The following PCOLCE variants were observed in gnomAD, a reference collection of about 807,000 sequenced individuals.
The protein encoded by PCOLCE is procollagen C-endopeptidase enhancer, also known as procollagen C-endopeptidase enhancer 1.
A neutral mutation model predicts 47.2 loss-of-function variants in PCOLCE; 33 were observed. The ratio of observed to expected loss-of-function variants is 0.70; its 90% CI spans 0.53 to 0.93. PCOLCE has a LOEUF of 0.93. Among genes scored for constraint, PCOLCE ranks in the 40% least tolerant of loss-of-function variants. PCOLCE has a pLI of 0.00. For missense variants in PCOLCE, 584 were observed against 585.3 expected, an observed-to-expected ratio of 1.00 and a Z score of 0.02; for synonymous variants, 254 against 252.5, an observed-to-expected ratio of 1.01 and a Z score of -0.06.
In PCOLCE at chr7:100,607,526, A is replaced by T. The variant is rs369102286; in HGVS notation, c.1012+3A>T. On this transcript the variant is annotated splice_donor_region_variant and intron_variant, in intron 7 of 8. Coordinates refer to ENST00000223061, the MANE Select transcript of PCOLCE (RefSeq NM_002593.4). ...CAACTTCTGTGCCAGCAGCCTTGGT[A>T]AGAATACCCCCAACCCCATTCCAGC... 22 of 1,613,952 alleles carry T rather than the reference A, an allele frequency of 1.4e-5. No homozygotes were observed. Among genetic ancestry groups the T allele is most frequent in the Non-Finnish European group, 1.9e-5 (22 of 1,179,898 alleles).
At position 100,605,895 on chromosome 7, in the gene PCOLCE, A is replaced by C; in HGVS notation, c.725+83A>C. The C allele has an allele frequency of 7.0e-7, 1 of 1,431,498 alleles. No homozygotes were observed. The highest frequency in any genetic ancestry group is 9.5e-7 in the Non-Finnish European group (1 of 1,053,370). 88.7% of individuals were successfully genotyped at this position (1,431,498 alleles called of 1,614,324 possible). ...CTGTTTGGAGGGGCGGGGTTCAGCT[A>C]AAGGGACGGGATCTGAACCCCAGGG... On this transcript the variant is annotated intron_variant, in intron 5 of 8. Coordinates refer to ENST00000223061, the MANE Select transcript of PCOLCE (RefSeq NM_002593.4). This position sits in a 1 kb window ranked among gnomAD's most constrained non-coding sequence, Gnocchi z 6.1.
Position 100,603,371 on chromosome 7 carries a change from C to G in PCOLCE, c.96-59C>G, listed in dbSNP as rs554782186. 3.6e-6 allele frequency: 3 copies of G among 837,556 alleles called. No homozygotes were observed. The African/African-American group carries it at 5.2e-5, about 15-fold the overall frequency. The allele number at this position is 837,556 out of a possible 1,614,324, so 51.9% of individuals were successfully genotyped here. A position where few individuals can be genotyped will look rare whatever the true frequency, so the allele number is the denominator to read the frequency against. On this transcript the variant is annotated intron_variant, in intron 1 of 8. Coordinates refer to ENST00000223061, the MANE Select transcript of PCOLCE (RefSeq NM_002593.4). ...TCCTCATCACCTCATCCCCATCTTGCCAGTGCTCCCCCGTCCCACCCGTCC... is the reference window on the plus strand; with the variant it reads ...TCCTCATCACCTCATCCCCATCTTGGCAGTGCTCCCCCGTCCCACCCGTCC...
chr7:100,606,946 C>G (rs1802727135), intron 6 of PCOLCE, among the ~76,000 whole-genome samples: 1 of 151,978 alleles, frequency 6.6e-6, no homozygotes, highest in Non-Finnish European at 1.5e-5. Flanking sequence ...CAAAAATTAG[C>G]CAGGTGTGGT....
chr7:100,605,494 C>T lies in PCOLCE; in HGVS notation c.589-182C>T. On this transcript the variant is annotated intron_variant, in intron 4 of 8. Coordinates refer to ENST00000223061, the MANE Select transcript of PCOLCE (RefSeq NM_002593.4). The surrounding 1 kb of genome is among the most constrained non-coding windows in gnomAD (Gnocchi z 6.1). ...TGACCTTGCCAACCACGACGACCGA[C>T]ACCCCTGCAGGGTCCCATGGGTGTG... The T allele has an allele frequency of 2.6e-6, 2 of 761,034 alleles. No individual in the cohort carries two copies. Among genetic ancestry groups the T allele is most frequent in the Non-Finnish European group, 2.1e-6 (1 of 481,284 alleles). The allele number at this position is 761,034 out of a possible 1,614,324, so 47.1% of individuals were successfully genotyped here. A position where few individuals can be genotyped will look rare whatever the true frequency, so the allele number is the denominator to read the frequency against.
Position 100,605,992 on chromosome 7 carries a change from G to A in PCOLCE, c.725+180G>A, listed in dbSNP as rs182506194. Among the ~76,000 whole-genome samples the A allele has an allele frequency of 1.1e-3, 163 of 152,260 alleles. No individual in the cohort carries two copies. Among genetic ancestry groups the A allele is most frequent in the Non-Finnish European group, 1.5e-3 (99 of 68,020 alleles). On this transcript the variant is annotated intron_variant, in intron 5 of 8. Coordinates refer to ENST00000223061, the MANE Select transcript of PCOLCE (RefSeq NM_002593.4). This position sits in a 1 kb window ranked among gnomAD's most constrained non-coding sequence, Gnocchi z 6.1. ...ATTTGGCCCCGGGTCTGGGGTCCGC[G>A]GATAGAGAGGCGACTGGGGCTCTGC...
chr7:100,602,713 G>A, intron 1 of PCOLCE, 162 bp downstream of exon 1: 1 of 613,546 alleles, frequency 1.6e-6, no homozygotes, highest in Non-Finnish European at 2.9e-6. Flanking sequence ...CCCATCTGCT[G>A]CAAGACCTTG....
Position 100,605,139 on chromosome 7 carries a change from C to G in PCOLCE, c.512C>G (p.Thr171Ser), listed in dbSNP as rs750094971. 5.0e-6 allele frequency: 8 copies of G among 1,612,864 alleles called. No individual in the cohort carries two copies. The South Asian group carries it at 7.7e-5, about 16-fold the overall frequency. ...GRLEKAQGTLTTPNWPESDYP... is the reference protein window; with the variant it reads ...GRLEKAQGTLSTPNWPESDYP... ...CTGGAGAAGGCCCAGGGAACCCTGA[C>G]CACGCCCAACTGGCCCGAGTCCGAT... is the stretch of plus-strand genomic sequence containing the variant. Residue 171 changes from threonine to serine, a missense_variant, in exon 4 of 9, where the codon ACC becomes AGC. Physicochemically the swap from Thr to Ser is moderately conservative, Grantham distance 58. Coordinates refer to ENST00000223061, the MANE Select transcript of PCOLCE (RefSeq NM_002593.4). This position sits in a 1 kb window ranked among gnomAD's most constrained non-coding sequence, Gnocchi z 6.1.
intron 5 of PCOLCE, chr7:100,606,171 A>G: frequency 1.8e-6 from 1 of 545,000 alleles, no homozygotes. Flanking sequence ...TGTACCAAAA[A>G]TACAAAATAA....
In PCOLCE at chr7:100,607,797, C is replaced by A. The variant is rs765022713; in HGVS notation, c.1173C>A (p.Pro391=). ...ACGTGCCTTGCAAGCAGTGCCCCCC[C>A]ATGAAGAAAGGTAACAGAGATGTGG... The part of the protein sequence containing the change: ...KFYVPCKQCP[P]MKKGVSYLLM... Residue 391 remains proline (P), a synonymous_variant, in exon 8 of 9, where the codon CCC becomes CCA. Transcript: ENST00000223061. The A allele has an allele frequency of 9.3e-6, 15 of 1,614,020 alleles. No homozygotes were observed. Among genetic ancestry groups the A allele is most frequent in the African/African-American group, 8.0e-5 (6 of 74,926 alleles).
rs188632741 is a variant in PCOLCE at position 100,607,365 on chromosome 7, G to T, written c.941-87G>T. On this transcript the variant is annotated intron_variant, in intron 6 of 8. Coordinates refer to ENST00000223061, the MANE Select transcript of PCOLCE (RefSeq NM_002593.4). ...AGGACCGGAAGCCTGACAGAGCTCTGAACAGTTCAAGTCAATGAGGCTGTT... is the reference window on the plus strand; with the variant it reads ...AGGACCGGAAGCCTGACAGAGCTCTTAACAGTTCAAGTCAATGAGGCTGTT... 5 of 1,082,540 alleles carry T rather than the reference G, an allele frequency of 4.6e-6. No individual in the cohort carries two copies. In the African/African-American group the frequency reaches 7.7e-5, roughly 17 times the overall value. The allele number at this position is 1,082,540 out of a possible 1,614,324, so 67.1% of individuals were successfully genotyped here. A position where few individuals can be genotyped will look rare whatever the true frequency, so the allele number is the denominator to read the frequency against.
At position 100,604,790 on chromosome 7, in the gene PCOLCE, T is replaced by C. The variant is rs527701650; in HGVS notation, c.464-301T>C. 51 of 439,386 alleles carry C rather than the reference T, an allele frequency of 1.2e-4. No individual in the cohort carries two copies. Among genetic ancestry groups the C allele is most frequent in the African/African-American group, 6.0e-4 (30 of 49,716 alleles). 27.2% of individuals were successfully genotyped at this position (439,386 alleles called of 1,614,324 possible). On this transcript the variant is annotated intron_variant, in intron 3 of 8. Transcript: ENST00000223061. This position sits in a 1 kb window ranked among gnomAD's most constrained non-coding sequence, Gnocchi z 6.4. ...GCAGGGCCGGGGAGATGGGATCTCC[T>C]AGGGGAAGAGGCGCGGTGCGGCCGC...
chr7:100,605,945 T>C lies in PCOLCE; in HGVS notation c.725+133T>C, dbSNP rs1802708690. ...GCTCCAAACCGGCGAGGGGAGCAGGTTGGAGGCCAGGCAAAGAGGAGATTT... is the reference window on the plus strand; with the variant it reads ...GCTCCAAACCGGCGAGGGGAGCAGGCTGGAGGCCAGGCAAAGAGGAGATTT... On this transcript the variant is annotated intron_variant, in intron 5 of 8. Transcript: ENST00000223061. This position sits in a 1 kb window ranked among gnomAD's most constrained non-coding sequence, Gnocchi z 6.1. The C allele has an allele frequency of 9.6e-7, 1 of 1,039,294 alleles. No homozygotes were observed. Among genetic ancestry groups the C allele is most frequent in the African/African-American group, 1.6e-5 (1 of 62,030 alleles). 64.4% of individuals were successfully genotyped at this position (1,039,294 alleles called of 1,614,324 possible).
At chr7:100,603,714 C>T (rs1172387847) in intron 2 of PCOLCE, 176 bp downstream of exon 2, 3 of 588,368 alleles carry the variant, frequency 5.1e-6, no homozygotes, top group South Asian at 4.0e-5. Flanking sequence ...ATCATCTTAA[C>T]CCTTCCCTCA....
intron 1 of PCOLCE, 200 bp downstream of exon 1, chr7:100,602,751 T>G: frequency 3.0e-5 from 17 of 575,252 alleles, no homozygotes; most frequent in East Asian, 1.2e-4. Flanking sequence ...ACTGCTCCCA[T>G]TCCCCCACCT....
chr7:100,604,786 C>T lies in PCOLCE; in HGVS notation c.464-305C>T. On this transcript the variant is annotated intron_variant, in intron 3 of 8. Coordinates refer to ENST00000223061, the MANE Select transcript of PCOLCE (RefSeq NM_002593.4). This position sits in a 1 kb window ranked among gnomAD's most constrained non-coding sequence, Gnocchi z 6.4. ...TGCTGCAGGGCCGGGGAGATGGGAT[C>T]TCCTAGGGGAAGAGGCGCGGTGCGG... 2.4e-6 allele frequency: 1 copy of T among 423,716 alleles called. No homozygotes were observed. The highest frequency in any genetic ancestry group is 4.3e-5 in the East Asian group (1 of 23,248). 26.2% of individuals were successfully genotyped at this position (423,716 alleles called of 1,614,324 possible).
chr7:100,605,234 G>C lies in PCOLCE; in HGVS notation c.588+19G>C. On this transcript the variant is annotated intron_variant, in intron 4 of 8. Coordinates refer to ENST00000223061, the MANE Select transcript of PCOLCE (RefSeq NM_002593.4). The surrounding 1 kb of genome is among the most constrained non-coding windows in gnomAD (Gnocchi z 6.1). Reference sequence around the variant, plus strand: ...GGACCAGGTACCGACCCTCCTCCCCGGGCTGCCCTAGGGGACCCAGGCGGC... The same window carrying C: ...GGACCAGGTACCGACCCTCCTCCCCCGGCTGCCCTAGGGGACCCAGGCGGC... 1 of 1,605,650 alleles carries C rather than the reference G, an allele frequency of 6.2e-7. No homozygotes were observed. Among genetic ancestry groups the C allele is most frequent in the Non-Finnish European group, 8.5e-7 (1 of 1,174,674 alleles).
At position 100,605,172 on chromosome 7, in the gene PCOLCE, C is replaced by G. The variant is rs546504232; in HGVS notation, c.545C>G (p.Pro182Arg). 2 of 1,613,054 alleles carry G rather than the reference C, an allele frequency of 1.2e-6. No individual in the cohort carries two copies. The highest frequency in any genetic ancestry group is 1.1e-5 in the South Asian group (1 of 91,040). Residue 182 changes from proline to arginine, a missense_variant, in exon 4 of 9, where the codon CCG becomes CGG. Pro to Arg is a moderately radical substitution (Grantham distance 103). Transcript: ENST00000223061. This position sits in a 1 kb window ranked among gnomAD's most constrained non-coding sequence, Gnocchi z 6.1. ...TPNWPESDYP[P>R]GISCSWHIIA... ...AACTGGCCCGAGTCCGATTACCCCC[C>G]GGGCATCAGCTGTTCCTGGCACATC...
chr7:100,605,398 A>T lies in PCOLCE; in HGVS notation c.588+183A>T. 1.5e-6 allele frequency: 1 copy of T among 689,250 alleles called. No individual in the cohort carries two copies. Among genetic ancestry groups the T allele is most frequent in the Non-Finnish European group, 2.4e-6 (1 of 415,574 alleles). 42.7% of individuals were successfully genotyped at this position (689,250 alleles called of 1,614,324 possible). A position where few individuals can be genotyped will look rare whatever the true frequency, so the allele number is the denominator to read the frequency against. ...AAATGTAAAAATTACAACTGAGACA[A>T]GTCTCAGGAGAGCGAGGTACAGGGT... On this transcript the variant is annotated intron_variant, in intron 4 of 8. Coordinates refer to ENST00000223061, the MANE Select transcript of PCOLCE (RefSeq NM_002593.4). This position sits in a 1 kb window ranked among gnomAD's most constrained non-coding sequence, Gnocchi z 6.1.
Position 100,605,391 on chromosome 7 carries a change from T to TGAGA in PCOLCE, c.588+177_588+180dup. 1 of 711,478 alleles carries TGAGA rather than the reference T, an allele frequency of 1.4e-6. No homozygotes were observed. The highest frequency in any genetic ancestry group is 2.3e-6 in the Non-Finnish European group (1 of 434,906). The allele number at this position is 711,478 out of a possible 1,614,324, so 44.1% of individuals were successfully genotyped here. A position where few individuals can be genotyped will look rare whatever the true frequency, so the allele number is the denominator to read the frequency against. On this transcript the variant is annotated intron_variant, in intron 4 of 8. Transcript: ENST00000223061. The surrounding 1 kb of genome is among the most constrained non-coding windows in gnomAD (Gnocchi z 6.1). The stretch of plus-strand genomic sequence containing the variant: ...CAAACAAAAATGTAAAAATTACAAC[T>TGAGA]GAGACAAGTCTCAGGAGAGCGAGGT...
Sources: allele counts gnomAD v4.1 joint callset (sites outside exome capture counted in the v4.1 genomes callset), GRCh38; gene constraint gnomAD v4.1.1; non-coding constraint Gnocchi (gnomAD v3.1); transcripts MANE v1.5; gene names NCBI Gene and HGNC (gene_info 2026-07-23, HGNC 2026-07-21).